BABAM2: variants seen among roughly 807,000 people sequenced by gnomAD.
BABAM2 encodes BRISC and BRCA1-A complex member 2.
A neutral mutation model predicts 54.7 loss-of-function variants in BABAM2; 31 were observed. The observed-to-expected ratio is 0.57, with a 90% CI of 0.43 to 0.77. The LOEUF (loss-of-function observed/expected upper bound fraction) is 0.77, where lower values mean the gene tolerates loss of function less well. BABAM2 is among the 30% of genes least tolerant of loss of function. BABAM2 has a pLI of 0.00. For synonymous variants in BABAM2, 167 were observed against 162.9 expected, an observed-to-expected ratio of 1.03 and a Z score of -0.19; for missense variants, 364 against 455.8, an observed-to-expected ratio of 0.80 and a Z score of 1.83.
intron 4 of BABAM2, among the ~76,000 whole-genome samples, chr2:28,024,056 A>C (rs889144016): frequency 2.6e-5 from 4 of 152,102 alleles, no homozygotes; most frequent in African/African-American, 9.7e-5. Context: ...ACTCATGGTT[A>C]TTTTATTCTC....
intron 6 of BABAM2, among the ~76,000 whole-genome samples, chr2:28,111,039 G>T (rs1667965414): frequency 6.6e-6 from 1 of 150,886 alleles, no homozygotes; most frequent in African/African-American, 2.4e-5. Context: ...GGCAATCTCG[G>T]CTCACTGCAA....
chr2:28,208,185 A>G (rs770143857), intron 7 of BABAM2, among the ~76,000 whole-genome samples: 8 of 152,154 alleles, frequency 5.3e-5, no homozygotes, highest in Non-Finnish European at 1.0e-4. Context: ...TCTAGGGTTA[A>G]TGCAGGTGCA....
chr2:28,313,884 C>T (rs570121392), intron 11 of BABAM2, among the ~76,000 whole-genome samples: 25 of 152,240 alleles, frequency 1.6e-4, no homozygotes, highest in Non-Finnish European at 5.9e-5. Context: ...AGGCTGTCCA[C>T]GGCATTAACT....
intron 10 of BABAM2, among the ~76,000 whole-genome samples, chr2:28,277,654 G>C (rs1195796006): frequency 6.6e-6 from 1 of 152,204 alleles, no homozygotes; most frequent in Non-Finnish European, 1.5e-5. Flanking sequence ...CCAGCTGACT[G>C]TTTTGTTCCT....
intron 7 of BABAM2, among the ~76,000 whole-genome samples, chr2:28,184,428 A>G (rs915277761): frequency 1.3e-5 from 2 of 151,654 alleles, no homozygotes; most frequent in African/African-American, 4.8e-5. Context: ...TGCTGCACCC[A>G]TGAACTTGTC....
rs369416772 is a variant in BABAM2 at position 27,929,922 on chromosome 2, G to A, written c.205+14G>A. ...AGACATTAAAGTGTAAGTAAATGAT[G>A]ACTATTTTACTCAAAATGTAGGTTA... On this transcript the variant is annotated intron_variant, in intron 3 of 11. Transcript: ENST00000379624. 10 of 1,598,340 alleles carry A rather than the reference G, an allele frequency of 6.3e-6. No homozygotes were observed. In the African/African-American group the frequency reaches 1.3e-4, roughly 21 times the overall value.
intron 3 of BABAM2, among the ~76,000 whole-genome samples, chr2:27,937,232 T>C (rs1311099593): frequency 1.3e-5 from 2 of 152,232 alleles, no homozygotes; most frequent in African/African-American, 4.8e-5. Context: ...AGCTGTGATA[T>C]GGTATTGTTC....
chr2:27,973,773 T>A (rs2148457266), intron 3 of BABAM2, among the ~76,000 whole-genome samples: 1 of 152,266 alleles, frequency 6.6e-6, no homozygotes, highest in East Asian at 1.9e-4. Context: ...CTTTGAGAAC[T>A]GAGCTACAGC....
At chr2:28,182,305 A>G (rs1024575838) in intron 7 of BABAM2, among the ~76,000 whole-genome samples, 9 of 152,214 alleles carry the variant, frequency 5.9e-5, no homozygotes, top group African/African-American at 1.9e-4. Flanking sequence ...CTGCAAGAAG[A>G]TATTACAGGG....
chr2:27,932,702 A>G (rs1668183715), intron 3 of BABAM2, among the ~76,000 whole-genome samples: 1 of 151,970 alleles, frequency 6.6e-6, no homozygotes, highest in African/African-American at 2.4e-5. Flanking sequence ...GCTTTTGCTT[A>G]CTCTTCCTGT....
At chr2:28,113,075 T>G (rs1668276866) in intron 6 of BABAM2, among the ~76,000 whole-genome samples, 1 of 152,228 alleles carries the variant, frequency 6.6e-6, no homozygotes, top group South Asian at 2.1e-4. Flanking sequence ...TAAATTTGTT[T>G]GAGTTCCTTG....
intron 1 of BABAM2, among the ~76,000 whole-genome samples, chr2:27,891,440 A>G (rs1206467166): frequency 6.6e-6 from 1 of 152,146 alleles, no homozygotes; most frequent in Non-Finnish European, 1.5e-5. Context: ...GGGGTAGCAG[A>G]CCCTTGCAAA....
chr2:28,268,742 G>A (rs1265808991), intron 10 of BABAM2, among the ~76,000 whole-genome samples: 1 of 152,126 alleles, frequency 6.6e-6, no homozygotes, highest in African/African-American at 2.4e-5. Flanking sequence ...ATCAGCCCTC[G>A]TGCCCTGGTC....
chr2:27,972,279 A>G (rs1178276335), intron 3 of BABAM2, among the ~76,000 whole-genome samples: 1 of 152,246 alleles, frequency 6.6e-6, no homozygotes, highest in Non-Finnish European at 1.5e-5. Context: ...ACTATCGTGT[A>G]GAATAATGCT....
chr2:28,113,711 A>G (rs1668345746), intron 6 of BABAM2, among the ~76,000 whole-genome samples: 2 of 152,322 alleles, frequency 1.3e-5, no homozygotes, highest in South Asian at 4.1e-4. Flanking sequence ...CTTGATGGGA[A>G]TAGCATTGAA....
chr2:28,096,792 T>G (rs991647214), intron 6 of BABAM2, among the ~76,000 whole-genome samples: 2 of 151,956 alleles, frequency 1.3e-5, no homozygotes, highest in Non-Finnish European at 2.9e-5. Flanking sequence ...TTAATAGGGC[T>G]GCTGAGAACA....
At chr2:28,254,783 G>A (rs912013666) in intron 10 of BABAM2, among the ~76,000 whole-genome samples, 1 of 137,340 alleles carries the variant, frequency 7.3e-6, no homozygotes, top group Non-Finnish European at 1.5e-5. Flanking sequence ...CCAGGCCAAC[G>A]TGCAGTAGAG....
chr2:28,015,721 TA>T, intron 4 of BABAM2: 1 of 1,029,274 alleles, frequency 9.7e-7, no homozygotes, highest in Non-Finnish European at 1.3e-6. Context: ...GCTTTCTTTA[TA>T]AGGGAATCCT....
intron 3 of BABAM2, among the ~76,000 whole-genome samples, chr2:27,985,266 G>C (rs905764568): frequency 6.6e-6 from 1 of 152,026 alleles, no homozygotes; most frequent in African/African-American, 2.4e-5. Flanking sequence ...TGGATCAAAT[G>C]GTATTTCTAC....
Sources: allele counts gnomAD v4.1 joint callset (sites outside exome capture counted in the v4.1 genomes callset), GRCh38; gene constraint gnomAD v4.1.1; transcripts MANE v1.5; gene names NCBI Gene and HGNC (gene_info 2026-07-23, HGNC 2026-07-21).